AZI2: variants seen among roughly 807,000 people sequenced by gnomAD.
AZI2 encodes 5-azacytidine induced 2.
In AZI2, 22 loss-of-function variants were observed where a neutral mutation model predicts 45.8. The ratio of observed to expected loss-of-function variants is 0.48; its 90% confidence interval spans 0.34 to 0.69. The LOEUF is 0.69. Ranked by LOEUF, AZI2 falls within the 30% of genes least tolerant of loss-of-function variation. The pLI is 0.01. For synonymous variants in AZI2, 137 were observed against 156.7 expected (o/e 0.87, Z 0.94); for missense variants, 417 against 441.5 (o/e 0.94, Z 0.50).
rs1166945998 is a variant in AZI2 at position 28,321,614 on chromosome 3, G to A, written c.*2428C>T. On this transcript the variant is annotated 3_prime_UTR_variant, in exon 8 of 8. Transcript: ENST00000479665. Reference sequence around the variant, plus strand: ...CCCTGTTAATATGTGGTAACCCACAGGTTTTTTACCCCTTAAGATACACCT... The same window carrying A: ...CCCTGTTAATATGTGGTAACCCACAAGTTTTTTACCCCTTAAGATACACCT... 1 of 151,220 alleles carries A rather than the reference G, an allele frequency of 6.6e-6. No homozygotes were observed. Among genetic ancestry groups the A allele is most frequent in the African/African-American group, 2.4e-5 (1 of 41,304 alleles). The allele number at this position is 151,220 out of a possible 1,614,324, so 9.4% of individuals were successfully genotyped here.
chr3:28,348,347 T>C (rs1020353328), intron 1 of AZI2: 2 of 151,418 alleles, frequency 1.3e-5, no homozygotes, highest in Non-Finnish European at 2.9e-5. Context: ...AAGGAGTAAT[T>C]AGAGAAGTGA....
chr3:28,327,900 T>C (rs752367170), intron 6 of AZI2, among the ~76,000 whole-genome samples: 28 of 150,736 alleles, frequency 1.9e-4, no homozygotes, highest in Non-Finnish European at 3.4e-4. Flanking sequence ...ATTTTAATAG[T>C]ACAGAAATCA....
rs779049060 is a variant in AZI2 at position 28,324,370 on chromosome 3, C to T, written c.851G>A (p.Arg284Lys). The change falls in exon 8 of 8, where the codon AGA becomes AAA. Residue 284 changes from arginine to lysine, a missense_variant. By Grantham distance (26) the Arg-to-Lys change is conservative. Coordinates refer to ENST00000479665, the MANE Select transcript of AZI2 (RefSeq NM_022461.5). Reference sequence around the variant, plus strand: ...GCCATTTGGTAAGAGAGGGGGATGTCTTGTGTATGTTGCAGTAAAATTCAT... The same window carrying T: ...GCCATTTGGTAAGAGAGGGGGATGTTTTGTGTATGTTGCAGTAAAATTCAT... ...HLMNFTATYT[R>K]HPPLLPNGKA... 1.4e-5 allele frequency: 22 copies of T among 1,583,642 alleles called. No individual in the cohort carries two copies. The highest frequency in any genetic ancestry group is 1.7e-4 in the Middle Eastern group (1 of 5,854).
At chr3:28,334,732 C>T (rs1364801879) in intron 5 of AZI2, among the ~76,000 whole-genome samples, 1 of 151,786 alleles carries the variant, frequency 6.6e-6, no homozygotes, top group Non-Finnish European at 1.5e-5. Context: ...TTCCCTAGCA[C>T]CATCTAGTGG....
chr3:28,325,494 CTG>C lies in AZI2; in HGVS notation c.767-1042_767-1041del, dbSNP rs1286734738. ...GAGAAAGGTGGTTCTAGTCTCATCT[CTG>C]TACTCCTCAAAGCAATGAGTTCTGT... On this transcript the variant is annotated intron_variant, in intron 7 of 7. Coordinates refer to ENST00000479665, the MANE Select transcript of AZI2 (RefSeq NM_022461.5). Among the ~76,000 whole-genome samples, 3 of 150,992 alleles carry C rather than the reference CTG, an allele frequency of 2.0e-5. No individual in the cohort carries two copies. In the East Asian group the frequency reaches 5.8e-4, roughly 29 times the overall value.
At chr3:28,334,203 CAGA>C (rs1317640471) in intron 5 of AZI2, among the ~76,000 whole-genome samples, 2 of 151,810 alleles carry the variant, frequency 1.3e-5, no homozygotes, top group African/African-American at 2.4e-5. Context: ...TTACATACTT[CAGA>C]AGGTTTTATA....
chr3:28,344,263 A>G (rs114843303), intron 1 of AZI2, among the ~76,000 whole-genome samples: 27 of 152,188 alleles, frequency 1.8e-4, no homozygotes, highest in African/African-American at 6.3e-4. Flanking sequence ...TGCAAAAATT[A>G]ATATGAAATC....
At chr3:28,332,946 T>C (rs775948168) in intron 5 of AZI2, among the ~76,000 whole-genome samples, 44 of 151,810 alleles carry the variant, frequency 2.9e-4, no homozygotes, top group Non-Finnish European at 5.5e-4. Flanking sequence ...AAGGACATCA[T>C]AAAGTCCTTA....
At chr3:28,342,903 G>T (rs1704080423) in intron 1 of AZI2, among the ~76,000 whole-genome samples, 1 of 151,932 alleles carries the variant, frequency 6.6e-6, no homozygotes, top group African/African-American at 2.4e-5. Context: ...ATTCGATGTG[G>T]ATTTTTTCTA....
At chr3:28,342,704 TACACATGC>T (rs1361498539) in intron 1 of AZI2, among the ~76,000 whole-genome samples, 4 of 102,286 alleles carry the variant, frequency 3.9e-5, no homozygotes, top group African/African-American at 1.2e-4. Context: ...ATAAGACTCT[TACACATGC>T]ACACACACAC....
intron 2 of AZI2, among the ~76,000 whole-genome samples, chr3:28,339,901 ATACATGG>A (rs1703943207): frequency 1.3e-5 from 2 of 152,180 alleles, no homozygotes; most frequent in Non-Finnish European, 2.9e-5. Context: ...TGTCACAATT[ATACATGG>A]AAAGGTAAAC....
At chr3:28,331,871 T>C in intron 6 of AZI2, 1 of 1,547,990 alleles carries the variant, frequency 6.5e-7, no homozygotes, top group Non-Finnish European at 8.7e-7. Flanking sequence ...CTTCTATTCT[T>C]ATGCGAAGAG....
intron 1 of AZI2, among the ~76,000 whole-genome samples, chr3:28,346,924 C>T (rs537573225): frequency 6.6e-6 from 1 of 152,052 alleles, no homozygotes; most frequent in African/African-American, 2.4e-5. Flanking sequence ...TGAAGAAAAA[C>T]TCCAGTTCCA....
chr3:28,344,353 G>A (rs1373600487), intron 1 of AZI2, among the ~76,000 whole-genome samples: 3 of 151,948 alleles, frequency 2.0e-5, no homozygotes, highest in Non-Finnish European at 4.4e-5. Flanking sequence ...CAGGTCCAGG[G>A]AAAATGAGAT....
Position 28,322,358 on chromosome 3 carries a change from A to G in AZI2, c.*1684T>C, listed in dbSNP as rs933692300. The G allele has an allele frequency of 4.0e-5, 6 of 151,292 alleles. No homozygotes were observed. Among genetic ancestry groups the G allele is most frequent in the Non-Finnish European group, 8.9e-5 (6 of 67,438 alleles). 9.4% of individuals were successfully genotyped at this position (151,292 alleles called of 1,614,324 possible). A position where few individuals can be genotyped will look rare whatever the true frequency, so the allele number is the denominator to read the frequency against. On this transcript the variant is annotated 3_prime_UTR_variant, in exon 8 of 8. Transcript: ENST00000479665. ...AGGACAATATTTCACATCCACTTCA[A>G]TTTCAAACAAAAATATTTATTTTAA...
intron 1 of AZI2, among the ~76,000 whole-genome samples, chr3:28,343,305 T>C (rs779016396): frequency 3.3e-5 from 5 of 152,048 alleles, no homozygotes; most frequent in Non-Finnish European, 5.9e-5. Flanking sequence ...TTATTGTACT[T>C]ACACCTTTAC....
At chr3:28,339,869 T>C (rs1703941898) in intron 2 of AZI2, among the ~76,000 whole-genome samples, 1 of 151,776 alleles carries the variant, frequency 6.6e-6, no homozygotes, top group Non-Finnish European at 1.5e-5. Context: ...ACCTTACTTA[T>C]ATATTCTGTA....
intron 6 of AZI2, among the ~76,000 whole-genome samples, chr3:28,328,391 A>G (rs1703462216): frequency 6.6e-6 from 1 of 151,170 alleles, no homozygotes; most frequent in African/African-American, 2.4e-5. Flanking sequence ...AACACTGAAC[A>G]TGTGCTAATT....
intron 3 of AZI2, 98 bp downstream of exon 3, chr3:28,338,395 A>G (rs1412369700): frequency 9.3e-6 from 12 of 1,296,996 alleles, no homozygotes; most frequent in Non-Finnish European, 1.2e-5. Context: ...AATTTTAATT[A>G]CTAAATGTAA....
Sources: gnomAD v4.1 joint callset for allele counts (sites outside exome capture counted in the v4.1 genomes callset) on GRCh38, gnomAD v4.1.1 for gene constraint, MANE v1.5 for transcripts, NCBI Gene and HGNC (gene_info 2026-07-23, HGNC 2026-07-21) for gene names.